The following OSBPL6 variants were observed in gnomAD, a reference collection of about 807,000 sequenced individuals.
OSBPL6 encodes the protein oxysterol binding protein like 6.
A neutral mutation model predicts 125.8 loss-of-function variants in OSBPL6; 49 were observed. The ratio of observed to expected loss-of-function variants is 0.39; its 90% confidence interval spans 0.31 to 0.49. The LOEUF (loss-of-function observed/expected upper bound fraction) is 0.49. OSBPL6 is among the 20% of genes least tolerant of loss of function. The pLI is 0.88. For missense variants in OSBPL6, 986 were observed against 1,135.4 expected, an observed-to-expected ratio of 0.87 and a Z score of 1.89; for synonymous variants, 394 against 391.8, an observed-to-expected ratio of 1.01 and a Z score of -0.07.
chr2:178,367,648 C>A (rs1050120243), intron 13 of OSBPL6, among the ~76,000 whole-genome samples: 17 of 152,150 alleles, frequency 1.1e-4, no homozygotes, highest in African/African-American at 4.1e-4. Flanking sequence ...GATTCTGGCT[C>A]AAATCTTTAA....
chr2:178,200,483 C>T (rs1362751810), intron 1 of OSBPL6, among the ~76,000 whole-genome samples: 3 of 151,988 alleles, frequency 2.0e-5, no homozygotes, highest in Non-Finnish European at 4.4e-5. Flanking sequence ...AACTCCTGAC[C>T]TCAAGTGCTC....
chr2:178,200,304 T>G (rs2089178232), intron 1 of OSBPL6, among the ~76,000 whole-genome samples: 1 of 142,590 alleles, frequency 7.0e-6, no homozygotes, highest in African/African-American at 2.7e-5. Context: ...CAGGCCCGAG[T>G]GCAGCGGTGC....
Position 178,211,144 on chromosome 2 carries a change from G to T in OSBPL6, c.-351+16470G>T, listed in dbSNP as rs552207455. Among the ~76,000 whole-genome samples the T allele has an allele frequency of 6.8e-4, 103 of 152,192 alleles. 2 individuals carry two copies. Among genetic ancestry groups the T allele is most frequent in the African/African-American group, 2.4e-3 (101 of 41,520 alleles). On this transcript the variant is annotated intron_variant, in intron 1 of 24. Transcript: ENST00000190611. ...AACTTAGCCATGTGTGGTGGTGCGCGCCTGTAGTCCCAGCTCCTCACGAGG... is the reference window on the plus strand; with the variant it reads ...AACTTAGCCATGTGTGGTGGTGCGCTCCTGTAGTCCCAGCTCCTCACGAGG...
intron 3 of OSBPL6, among the ~76,000 whole-genome samples, chr2:178,306,638 G>A (rs989935187): frequency 2.6e-5 from 4 of 152,200 alleles, no homozygotes; most frequent in Non-Finnish European, 4.4e-5. Context: ...TGCAAAGGAC[G>A]TCTTCCTATA....
rs943993912 is a variant in OSBPL6 at position 178,396,019 on chromosome 2, T to C, written c.*460T>C. ...AGTCGGTCAGTGCAGACTTCAAGTGTGTCTGTTTGATGTGGTGTGATTGTG... is the reference window on the plus strand; with the variant it reads ...AGTCGGTCAGTGCAGACTTCAAGTGCGTCTGTTTGATGTGGTGTGATTGTG... On this transcript the variant is annotated 3_prime_UTR_variant, in exon 25 of 25. Coordinates refer to ENST00000190611, the MANE Select transcript of OSBPL6 (RefSeq NM_032523.4). 3 of 296,718 alleles carry C rather than the reference T, an allele frequency of 1.0e-5. No individual in the cohort carries two copies. The highest frequency in any genetic ancestry group is 3.3e-5 in the South Asian group (1 of 30,706). The allele number at this position is 296,718 out of a possible 1,614,324, so 18.4% of individuals were successfully genotyped here.
At chr2:178,353,060 A>T (rs934868049) in intron 12 of OSBPL6, among the ~76,000 whole-genome samples, 17 of 152,124 alleles carry the variant, frequency 1.1e-4, no homozygotes, top group Non-Finnish European at 2.2e-4. Flanking sequence ...ATCAACAAAA[A>T]GGTCATCTAC....
At position 178,396,942 on chromosome 2, in the gene OSBPL6, T is replaced by C. The variant is rs1695883304; in HGVS notation, c.*1383T>C. The C allele has an allele frequency of 6.6e-6, 1 of 152,230 alleles. No individual in the cohort carries two copies. Among genetic ancestry groups the C allele is most frequent in the Non-Finnish European group, 1.5e-5 (1 of 68,036 alleles). 9.4% of individuals were successfully genotyped at this position (152,230 alleles called of 1,614,324 possible). A position where few individuals can be genotyped will look rare whatever the true frequency, so the allele number is the denominator to read the frequency against. On this transcript the variant is annotated 3_prime_UTR_variant, in exon 25 of 25. Coordinates refer to ENST00000190611, the MANE Select transcript of OSBPL6 (RefSeq NM_032523.4). Reference sequence around the variant, plus strand: ...AAATGCCTGTATGTTTTTTTTAAAATATCTCCTCAGAGATTTTCCTAGGGA... The same window carrying C: ...AAATGCCTGTATGTTTTTTTTAAAACATCTCCTCAGAGATTTTCCTAGGGA...
At chr2:178,217,518 AGAG>A (rs1334450905) in intron 1 of OSBPL6, among the ~76,000 whole-genome samples, 1 of 152,218 alleles carries the variant, frequency 6.6e-6, no homozygotes, top group African/African-American at 2.4e-5. Flanking sequence ...AATAGGCAGA[AGAG>A]AAGAGAAAGA....
At chr2:178,334,768 C>G (rs1010666918) in intron 8 of OSBPL6, among the ~76,000 whole-genome samples, 1 of 152,128 alleles carries the variant, frequency 6.6e-6, no homozygotes, top group Non-Finnish European at 1.5e-5. Context: ...GTGATCTGCC[C>G]ACCTCGGCCT....
In OSBPL6 at chr2:178,307,391, T is replaced by C. The variant is rs192647771; in HGVS notation, c.102+1105T>C. 4.0e-3 allele frequency among the ~76,000 whole-genome samples: 615 copies of C among 152,292 alleles called. 6 individuals carry two copies. The highest frequency in any genetic ancestry group is 0.014 in the African/African-American group (574 of 41,542). On this transcript the variant is annotated intron_variant, in intron 3 of 24. Coordinates refer to ENST00000190611, the MANE Select transcript of OSBPL6 (RefSeq NM_032523.4). ...GTAAGAATCCAGGGGTGCTAATGTA[T>C]ATATCTTTCACAGATCCTAAGGCAG...
At chr2:178,210,982 A>T (rs1375721193) in intron 1 of OSBPL6, among the ~76,000 whole-genome samples, 1 of 151,280 alleles carries the variant, frequency 6.6e-6, no homozygotes, top group Non-Finnish European at 1.5e-5. Context: ...ACATGGATAG[A>T]GCAAGATATA....
intron 1 of OSBPL6, among the ~76,000 whole-genome samples, chr2:178,214,218 T>G (rs2089989354): frequency 6.6e-6 from 1 of 152,184 alleles, no homozygotes; most frequent in East Asian, 1.9e-4. Context: ...GAACTTATGT[T>G]TGAATATGGG....
chr2:178,386,752 GCA>G (rs1222264493), intron 19 of OSBPL6, among the ~76,000 whole-genome samples: 6 of 149,698 alleles, frequency 4.0e-5, no homozygotes, highest in African/African-American at 1.5e-4. Flanking sequence ...CACACACACC[GCA>G]CACACACTGT....
intron 13 of OSBPL6, among the ~76,000 whole-genome samples, chr2:178,371,271 G>A (rs924452784): frequency 2.0e-5 from 3 of 152,168 alleles, no homozygotes; most frequent in Non-Finnish European, 4.4e-5. Flanking sequence ...ACATGTTTCT[G>A]TGTATCAATG....
intron 1 of OSBPL6, among the ~76,000 whole-genome samples, chr2:178,196,692 T>C (rs190170475): frequency 6.6e-6 from 1 of 152,334 alleles, no homozygotes; most frequent in East Asian, 1.9e-4. Flanking sequence ...CATAAGGAGA[T>C]AAAAATTCTT....
intron 9 of OSBPL6, among the ~76,000 whole-genome samples, chr2:178,336,908 A>G (rs1379114877): frequency 6.6e-6 from 1 of 152,100 alleles, no homozygotes; most frequent in African/African-American, 2.4e-5. Context: ...TTTCCTGACA[A>G]CTCGGCAATA....
At chr2:178,356,770 T>C (rs1357362801) in intron 12 of OSBPL6, among the ~76,000 whole-genome samples, 3 of 152,182 alleles carry the variant, frequency 2.0e-5, no homozygotes, top group Non-Finnish European at 4.4e-5. Context: ...AAAAAGAGCC[T>C]ACATTGCCAA....
chr2:178,382,732 A>G, intron 16 of OSBPL6: 4 of 1,444,590 alleles, frequency 2.8e-6, no homozygotes, highest in South Asian at 3.1e-5. Flanking sequence ...CTCTTTCTCA[A>G]ACCAACAGCT....
intron 13 of OSBPL6, among the ~76,000 whole-genome samples, chr2:178,370,996 G>A (rs2154104842): frequency 6.6e-6 from 1 of 152,282 alleles, no homozygotes; most frequent in South Asian, 2.1e-4. Context: ...TGTTTTAATA[G>A]GTACAGAGTT....
Sources: allele counts gnomAD v4.1 joint callset (sites outside exome capture counted in the v4.1 genomes callset), GRCh38; gene constraint gnomAD v4.1.1; transcripts MANE v1.5; gene names NCBI Gene and HGNC (gene_info 2026-07-23, HGNC 2026-07-21).